Variants in GLIS1 observed in about 807,000 individuals in gnomAD.
GLIS1 encodes GLIS family zinc finger 1, also known as zinc finger protein GLIS1.
Under a neutral mutation model 63.8 loss-of-function variants are expected in GLIS1, and 24 were observed. The ratio of observed to expected loss-of-function variants is 0.38; its 90% CI spans 0.27 to 0.53. The LOEUF (loss-of-function observed/expected upper bound fraction) is 0.53. GLIS1 is among the 20% of genes least tolerant of loss of function. The pLI is 0.85. For synonymous variants in GLIS1, 450 were observed against 482.5 expected, an observed-to-expected ratio of 0.93 and a Z score of 0.88; for missense variants, 1,036 against 1,074.1, an observed-to-expected ratio of 0.96 and a Z score of 0.50.
chr1:53,715,306 G>A (rs1306940008), intron 2 of GLIS1, among the ~76,000 whole-genome samples: 1 of 152,214 alleles, frequency 6.6e-6, no homozygotes, highest in Non-Finnish European at 1.5e-5. Flanking sequence ...AAAGTCCAGA[G>A]TCCACCATGG....
chr1:53,672,943 G>A (rs918641594), intron 2 of GLIS1, among the ~76,000 whole-genome samples: 2 of 152,320 alleles, frequency 1.3e-5, no homozygotes, highest in East Asian at 3.9e-4. Context: ...CTCAGGCAGC[G>A]TGGGCCCTCC....
chr1:53,721,817 T>C (rs1260159741), intron 2 of GLIS1, among the ~76,000 whole-genome samples: 1 of 152,094 alleles, frequency 6.6e-6, no homozygotes, highest in Non-Finnish European at 1.5e-5. Context: ...AAAGAAAATC[T>C]TGGAAATATG....
intron 2 of GLIS1, among the ~76,000 whole-genome samples, chr1:53,661,689 C>A (rs946563105): frequency 1.3e-5 from 2 of 152,206 alleles, no homozygotes; most frequent in African/African-American, 4.8e-5. Flanking sequence ...ACCCGAGACT[C>A]CTCCTCCCCA....
In GLIS1 at chr1:53,646,555, A is replaced by G. The variant is rs547759531; in HGVS notation, c.260-46277T>C. On this transcript the variant is annotated intron_variant, in intron 2 of 10. Transcript: ENST00000628545. This position sits in a 1 kb window ranked among gnomAD's most constrained non-coding sequence, Gnocchi z 4.2. ...CTGGACATGGTGGCTCACACCTGTA[A>G]TTCCAGCGCTTTGGGAGGCTAAGGT... is the stretch of plus-strand genomic sequence containing the variant. Among the ~76,000 whole-genome samples the G allele has an allele frequency of 3.3e-5, 5 of 152,372 alleles. No individual in the cohort carries two copies. The South Asian group carries it at 6.2e-4, about 19-fold the overall frequency.
chr1:53,508,486 C>T (rs1456543737), intron 10 of GLIS1, among the ~76,000 whole-genome samples: 4 of 152,204 alleles, frequency 2.6e-5, no homozygotes, highest in Non-Finnish European at 5.9e-5. Flanking sequence ...GGGTGGGTCT[C>T]AGCTGGAGGA....
At chr1:53,645,606 C>G (rs915064633) in intron 2 of GLIS1, among the ~76,000 whole-genome samples, 1 of 152,206 alleles carries the variant, frequency 6.6e-6, no homozygotes, top group Non-Finnish European at 1.5e-5. Flanking sequence ...GCAAGACCCC[C>G]TATGAACCAC....
intron 2 of GLIS1, among the ~76,000 whole-genome samples, chr1:53,651,265 A>T (rs1395008308): frequency 6.6e-6 from 1 of 152,214 alleles, no homozygotes; most frequent in East Asian, 1.9e-4. Context: ...CTATTAAGTA[A>T]GGGAAACAAG....
rs568385756 is a variant in GLIS1, at chr1:53,635,053, CTGT to C, written c.260-34778_260-34776del. On this transcript the variant is annotated intron_variant, in intron 2 of 10. Coordinates refer to ENST00000628545, the MANE Select transcript of GLIS1 (RefSeq NM_001367484.1). ...CATGTAGAGTCAACAGAGGTTGTCT[CTGT>C]TGTTGTTTTTTTTTTAATTCTTTTT... Among the ~76,000 whole-genome samples the C allele has an allele frequency of 2.6e-3, 403 of 152,176 alleles. 1 individual carries two copies. Among genetic ancestry groups the C allele is most frequent in the African/African-American group, 9.4e-3 (390 of 41,462 alleles).
At chr1:53,626,618 G>A (rs561081397) in intron 2 of GLIS1, among the ~76,000 whole-genome samples, 1 of 152,342 alleles carries the variant, frequency 6.6e-6, no homozygotes, top group South Asian at 2.1e-4. Flanking sequence ...GCAGGGGCTT[G>A]GTCTATTTTG....
intron 3 of GLIS1, among the ~76,000 whole-genome samples, chr1:53,597,381 A>G (rs1464334535): frequency 6.7e-6 from 1 of 150,216 alleles, no homozygotes; most frequent in Non-Finnish European, 1.5e-5. Flanking sequence ...AAAAAAAAAA[A>G]AAAAAGTGCT....
At chr1:53,674,171 C>CAAAAAA (rs11297748) in intron 2 of GLIS1, among the ~76,000 whole-genome samples, 2 of 94,124 alleles carry the variant, frequency 2.1e-5, no homozygotes, top group Admixed American at 1.1e-4. Context: ...GACTCTGTCT[C>CAAAAAA]AAAAAAAAAA....
chr1:53,594,687 G>C lies in GLIS1; in HGVS notation c.741C>G (p.Pro247=), dbSNP rs754092612. 1.2e-5 allele frequency: 19 copies of C among 1,549,826 alleles called. No individual in the cohort carries two copies. Among genetic ancestry groups the C allele is most frequent in the African/African-American group, 5.5e-5 (4 of 73,296 alleles). Residue 247 remains proline (P), a synonymous_variant, in exon 4 of 11, where the codon CCC becomes CCG. Coordinates refer to ENST00000628545, the MANE Select transcript of GLIS1 (RefSeq NM_001367484.1). ...AGGGTGAGGAGGAGGCTGGGGAGGT[G>C]GGGGGTAGGCCCAAGACGCAGCACC... ...LKRCCVLGLP[P]TSPASSSPCA...
rs1227085759 is a variant in GLIS1, at chr1:53,526,865, G to A, written c.1483-1978C>T. On this transcript the variant is annotated intron_variant, in intron 5 of 10. Transcript: ENST00000628545. The surrounding 1 kb of genome is among the most constrained non-coding windows in gnomAD (Gnocchi z 4.4). ...CCCGTGAGCCTGTGGGAAACCCTGT[G>A]GCCGTCCCCAGCCAGCAGCCAAGCT... Among the ~76,000 whole-genome samples the A allele has an allele frequency of 2.0e-5, 3 of 152,254 alleles. No homozygotes were observed. The highest frequency in any genetic ancestry group is 7.2e-5 in the African/African-American group (3 of 41,472).
intron 8 of GLIS1, among the ~76,000 whole-genome samples, chr1:53,513,373 G>A (rs528982372): frequency 3.9e-5 from 6 of 152,188 alleles, no homozygotes; most frequent in African/African-American, 1.4e-4. Flanking sequence ...TCTTCAGGTC[G>A]AGTCTCATCC....
intron 2 of GLIS1, among the ~76,000 whole-genome samples, chr1:53,636,640 G>T (rs970176481): frequency 2.0e-5 from 3 of 152,180 alleles, no homozygotes; most frequent in Non-Finnish European, 2.9e-5. Context: ...TTGTGAAGGA[G>T]CTGACACCCA....
At chr1:53,698,677 CTTCCTGAAA>C (rs1646492360) in intron 2 of GLIS1, among the ~76,000 whole-genome samples, 1 of 152,230 alleles carries the variant, frequency 6.6e-6, no homozygotes, top group African/African-American at 2.4e-5. Context: ...AAGAGAGCCA[CTTCCTGAAA>C]GGTCCATGGG....
At chr1:53,605,741 C>A (rs1244398580) in intron 2 of GLIS1, among the ~76,000 whole-genome samples, 1 of 152,142 alleles carries the variant, frequency 6.6e-6, no homozygotes, top group Middle Eastern at 3.2e-3. Context: ...AAAACAGGGG[C>A]CCGGATTGAA....
chr1:53,657,022 A>AC (rs5774155), intron 2 of GLIS1, among the ~76,000 whole-genome samples: 122,057 of 152,090 alleles, frequency 0.8, 51,658 homozygotes, highest in East Asian at 0.93. Context: ...CAGCGATATC[A>AC]CAGTCCCCAC....
At position 53,558,879 on chromosome 1, in the gene GLIS1, G is replaced by C. The variant is rs149418751; in HGVS notation, c.1321-28927C>G. On this transcript the variant is annotated intron_variant, in intron 4 of 10. Coordinates refer to ENST00000628545, the MANE Select transcript of GLIS1 (RefSeq NM_001367484.1). ...GACCATGTAGACTCTGCTCAGATGT[G>C]GCCAGAAACAAACCAGAGCTTAGCG... is the stretch of plus-strand genomic sequence containing the variant. 6.8e-4 allele frequency among the ~76,000 whole-genome samples: 104 copies of C among 152,306 alleles called. 1 individual carries two copies. Among genetic ancestry groups the C allele is most frequent in the South Asian group, 4.6e-3 (22 of 4,830 alleles).
Sources: allele counts gnomAD v4.1 joint callset (sites outside exome capture counted in the v4.1 genomes callset), GRCh38; gene constraint gnomAD v4.1.1; non-coding constraint Gnocchi (gnomAD v3.1); transcripts MANE v1.5; gene names NCBI Gene and HGNC (gene_info 2026-07-23, HGNC 2026-07-21).